Variants in EPHA6 observed in about 807,000 individuals in gnomAD.
The protein encoded by EPHA6 is EPH receptor A6.
A neutral mutation model predicts 112.0 loss-of-function variants in EPHA6; 50 were observed. That is an observed-to-expected ratio of 0.45 (90% CI 0.36 to 0.56). The LOEUF (loss-of-function observed/expected upper bound fraction) is 0.56, where lower values mean the gene tolerates loss of function less well. Among genes scored for constraint, EPHA6 ranks in the 20% least tolerant of loss-of-function variants. EPHA6 has a pLI of 0.00. For missense variants in EPHA6, 1,280 were observed against 1,417.4 expected, an observed-to-expected ratio of 0.90 and a Z score of 1.56; for synonymous variants, 529 against 490.7, an observed-to-expected ratio of 1.08 and a Z score of -1.03.
chr3:97,462,405 A>C (rs2090920444), intron 7 of EPHA6, among the ~76,000 whole-genome samples: 1 of 152,180 alleles, frequency 6.6e-6, no homozygotes, highest in Non-Finnish European at 1.5e-5. Flanking sequence ...ATAATTAAAA[A>C]GAAGAAGAAT....
intron 2 of EPHA6, among the ~76,000 whole-genome samples, chr3:96,904,495 A>G (rs2038814324): frequency 2.0e-5 from 3 of 149,936 alleles, no homozygotes; most frequent in Admixed American, 1.3e-4. Flanking sequence ...ATTTGGAGAT[A>G]TACCTAATGC....
At chr3:97,211,969 GT>G (rs1559801432) in intron 3 of EPHA6, among the ~76,000 whole-genome samples, 1 of 152,034 alleles carries the variant, frequency 6.6e-6, no homozygotes, top group Non-Finnish European at 1.5e-5. Flanking sequence ...ATTATAAATG[GT>G]TTTGTTGTAG....
chr3:96,994,732 T>TAGAGAGAGAGAGAGAGAG (rs71623564), intron 3 of EPHA6, among the ~76,000 whole-genome samples: 24 of 82,172 alleles, frequency 2.9e-4, no homozygotes, highest in Admixed American at 4.5e-4. Flanking sequence ...TATATATATA[T>TAGAGAGAGAGAGAGAGAG]AGAGAGAGAG....
At chr3:97,541,738 T>G (rs2092856052) in intron 11 of EPHA6, among the ~76,000 whole-genome samples, 1 of 146,194 alleles carries the variant, frequency 6.8e-6, no homozygotes, top group Non-Finnish European at 1.5e-5. Context: ...TTTTTTTTTT[T>G]TTGTTTGTTT....
At chr3:97,267,854 T>C (rs1027053406) in intron 5 of EPHA6, among the ~76,000 whole-genome samples, 3 of 152,168 alleles carry the variant, frequency 2.0e-5, no homozygotes, top group African/African-American at 7.2e-5. Flanking sequence ...CACAGAATTA[T>C]GACTGAAAAT....
At chr3:97,624,062 T>C (rs1455371053) in intron 13 of EPHA6, among the ~76,000 whole-genome samples, 2 of 151,702 alleles carry the variant, frequency 1.3e-5, no homozygotes, top group African/African-American at 2.4e-5. Flanking sequence ...TGGAATTCTG[T>C]TAGTTATGTT....
Position 97,476,379 on chromosome 3 carries a change from AG to A in EPHA6, c.2003+920del, listed in dbSNP as rs1334266479. Among the ~76,000 whole-genome samples the A allele has an allele frequency of 1.4e-4, 21 of 152,258 alleles. No individual in the cohort carries two copies. The Middle Eastern group carries it at 0.01, about 74-fold the overall frequency. ...GATTTAAAACTGCAAAAAGAATGTC[AG>A]CCAAACAGTACACACCAATGTTGAC... On this transcript the variant is annotated intron_variant, in intron 8 of 17. Coordinates refer to ENST00000389672, the MANE Select transcript of EPHA6 (RefSeq NM_001080448.3).
intron 1 of EPHA6, among the ~76,000 whole-genome samples, chr3:96,829,989 A>ACACACG (rs77597931): frequency 6.6e-6 from 1 of 150,664 alleles, no homozygotes; most frequent in East Asian, 2.0e-4. Context: ...ACACACACAC[A>ACACACG]GAAATGGTAT....
chr3:97,372,320 G>A (rs1294441569), intron 5 of EPHA6, among the ~76,000 whole-genome samples: 1 of 152,076 alleles, frequency 6.6e-6, no homozygotes, highest in South Asian at 2.1e-4. Flanking sequence ...GAAATGTTGG[G>A]GGCTGAATTT....
intron 6 of EPHA6, among the ~76,000 whole-genome samples, chr3:97,433,105 A>G (rs2089617681): frequency 6.6e-6 from 1 of 152,178 alleles, no homozygotes; most frequent in South Asian, 2.1e-4. Context: ...TATGGTGGTA[A>G]AAACTGAAAT....
chr3:97,078,541 G>C (rs2046613404), intron 3 of EPHA6, among the ~76,000 whole-genome samples: 1 of 152,154 alleles, frequency 6.6e-6, no homozygotes, highest in African/African-American at 2.4e-5. Context: ...TAACATGTAA[G>C]TCTTTAATCC....
chr3:97,526,017 A>G lies in EPHA6; in HGVS notation c.2201-6341A>G, dbSNP rs181830085. On this transcript the variant is annotated intron_variant, in intron 10 of 17. Transcript: ENST00000389672. ...TGGTGGCTGAGATGGGCTTAAACTG[A>G]GACATAAGATTGTTTCAGGATATAC... Among the ~76,000 whole-genome samples, 578 of 152,254 alleles carry G rather than the reference A, an allele frequency of 3.8e-3. 4 individuals are homozygous for G. Among genetic ancestry groups the G allele is most frequent in the African/African-American group, 0.013 (520 of 41,550 alleles).
chr3:97,722,208 T>C (rs1276294418), intron 15 of EPHA6, among the ~76,000 whole-genome samples: 1 of 152,158 alleles, frequency 6.6e-6, no homozygotes, highest in African/African-American at 2.4e-5. Flanking sequence ...AGTAAGAAGT[T>C]CTTGAGCATC....
intron 5 of EPHA6, among the ~76,000 whole-genome samples, chr3:97,261,035 A>G (rs72924460): frequency 0.011 from 1,696 of 152,328 alleles, 26 homozygotes; most frequent in African/African-American, 0.037. Context: ...GTTAATTACT[A>G]TCTTGAAACA....
intron 11 of EPHA6, among the ~76,000 whole-genome samples, chr3:97,549,897 G>C (rs1034910345): frequency 1.3e-5 from 2 of 152,046 alleles, no homozygotes; most frequent in African/African-American, 4.8e-5. Flanking sequence ...CTAGCTCTGG[G>C]GGCTTAAAAA....
chr3:96,887,138 G>T (rs2037672953), intron 2 of EPHA6, among the ~76,000 whole-genome samples: 1 of 151,750 alleles, frequency 6.6e-6, no homozygotes, highest in African/African-American at 2.4e-5. Flanking sequence ...AGTGTGATTT[G>T]GTTGGGGGGG....
intron 3 of EPHA6, among the ~76,000 whole-genome samples, chr3:97,102,344 C>T (rs1000200952): frequency 6.6e-6 from 1 of 151,974 alleles, no homozygotes; most frequent in African/African-American, 2.4e-5. Flanking sequence ...TCAGCTGAGT[C>T]CTAACCAAAC....
chr3:97,445,346 G>T (rs548338155), intron 6 of EPHA6, among the ~76,000 whole-genome samples: 1 of 151,974 alleles, frequency 6.6e-6, no homozygotes, highest in Non-Finnish European at 1.5e-5. Context: ...TGCAACCCAC[G>T]CAACTATGCC....
intron 2 of EPHA6, among the ~76,000 whole-genome samples, chr3:96,956,723 A>G (rs886203366): frequency 1.3e-5 from 2 of 152,118 alleles, no homozygotes; most frequent in African/African-American, 4.8e-5. Context: ...CCTGAGACAG[A>G]AGAGAAAAAT....
Sources: gnomAD v4.1 joint callset for allele counts (sites outside exome capture counted in the v4.1 genomes callset) on GRCh38, gnomAD v4.1.1 for gene constraint, MANE v1.5 for transcripts, NCBI Gene and HGNC (gene_info 2026-07-23, HGNC 2026-07-21) for gene names.